ANK3: variants seen among roughly 807,000 people sequenced by gnomAD.
The protein encoded by ANK3 is ankyrin 3.
In ANK3, 57 loss-of-function variants were observed where a neutral mutation model predicts 370.9. That is an observed-to-expected ratio of 0.15 (90% CI 0.12 to 0.19). ANK3 has a LOEUF of 0.19. ANK3 is among the 10% of genes least tolerant of loss of function. ANK3 has a pLI of 1.00. For synonymous variants in ANK3, 1,929 were observed against 1,946.3 expected, an observed-to-expected ratio of 0.99 and a Z score of 0.23; for missense variants, 4,439 against 5,302.1, an observed-to-expected ratio of 0.84 and a Z score of 5.06.
At chr10:60,594,455 T>C (rs74433662) in intron 2 of ANK3, among the ~76,000 whole-genome samples, 5 of 152,344 alleles carry the variant, frequency 3.3e-5, no homozygotes, top group African/African-American at 4.8e-5. Context: ...ATCTGGATTA[T>C]AGCATGTACC....
intron 8 of ANK3, among the ~76,000 whole-genome samples, chr10:60,231,371 CTCTGAGGTGAAA>C (rs2097241646): frequency 6.6e-6 from 1 of 152,176 alleles, no homozygotes; most frequent in South Asian, 2.1e-4. Context: ...CAGTGCTGTC[CTCTGAGGTGAAA>C]TCCAGTGATG....
chr10:60,249,424 A>T (rs2097609853), intron 7 of ANK3, among the ~76,000 whole-genome samples: 1 of 152,208 alleles, frequency 6.6e-6, no homozygotes, highest in Non-Finnish European at 1.5e-5. Flanking sequence ...ATACTCCTGT[A>T]TCACTTCTGA....
At chr10:60,046,324 C>T (rs917819176) in intron 42 of ANK3, among the ~76,000 whole-genome samples, 8 of 152,126 alleles carry the variant, frequency 5.3e-5, no homozygotes, top group African/African-American at 1.7e-4. Context: ...ATAGCTTAAA[C>T]ACGAATGACA....
intron 2 of ANK3, among the ~76,000 whole-genome samples, chr10:60,432,532 G>A (rs993685203): frequency 1.3e-5 from 2 of 152,152 alleles, no homozygotes; most frequent in Admixed American, 6.5e-5. Context: ...CACTTTTAAT[G>A]CAAAGATATC....
At chr10:60,483,935 G>C (rs1250294145) in intron 2 of ANK3, among the ~76,000 whole-genome samples, 2 of 152,218 alleles carry the variant, frequency 1.3e-5, no homozygotes, top group Non-Finnish European at 2.9e-5. Flanking sequence ...GATAAGCAAA[G>C]TGACTAGTTG....
At chr10:60,387,647 C>T (rs1361565687) in intron 1 of ANK3, among the ~76,000 whole-genome samples, 7 of 152,152 alleles carry the variant, frequency 4.6e-5, no homozygotes, top group Admixed American at 3.3e-4. Flanking sequence ...TTTACAATAG[C>T]GATATTGATA....
intron 25 of ANK3, among the ~76,000 whole-genome samples, chr10:60,133,257 C>A (rs892600502): frequency 1.3e-5 from 2 of 152,206 alleles, no homozygotes; most frequent in African/African-American, 2.4e-5. Context: ...TTATAAGCCA[C>A]CTTTAAAAGT....
At chr10:60,674,342 C>A (rs1296040802) in intron 1 of ANK3, among the ~76,000 whole-genome samples, 7 of 151,974 alleles carry the variant, frequency 4.6e-5, no homozygotes, top group African/African-American at 1.7e-4. Context: ...AAGCATGGTG[C>A]CAGCATCTGC....
intron 2 of ANK3, among the ~76,000 whole-genome samples, chr10:60,539,602 G>A (rs2076800703): frequency 6.6e-6 from 1 of 152,032 alleles, no homozygotes; most frequent in South Asian, 2.1e-4. Context: ...AGGTAGGCGT[G>A]CCCTGTTTAA....
chr10:60,208,894 G>A (rs956831407), intron 9 of ANK3, among the ~76,000 whole-genome samples: 3 of 152,194 alleles, frequency 2.0e-5, no homozygotes, highest in Admixed American at 6.5e-5. Context: ...GATGAGGAAA[G>A]GCAAGGCATT....
chr10:60,075,059 T>C lies in ANK3; in HGVS notation c.5822A>G (p.Asp1941Gly). The change falls in exon 37 of 44, where the codon GAT becomes GGT. Residue 1941 changes from aspartate (D) to glycine (G), a missense_variant. Asp to Gly is a moderately conservative substitution (Grantham distance 94). This residue lies in a region of ANK3 where 679 missense variants were observed against 791.0 expected (regional missense o/e 0.86). Transcript: ENST00000280772. Reference protein sequence around the residue: ...PELPKEGRIDDEEPFKIVEKV... With the variant: ...PELPKEGRIDGEEPFKIVEKV... ...CTCTACAATTTTGAAAGGTTCTTCATCATCTATTCTCCCTTCCTTTGGGAG... is the reference window on the plus strand; with the variant it reads ...CTCTACAATTTTGAAAGGTTCTTCACCATCTATTCTCCCTTCCTTTGGGAG... The C allele has an allele frequency of 6.2e-7, 1 of 1,614,064 alleles. No individual in the cohort carries two copies. The highest frequency in any genetic ancestry group is 8.5e-7 in the Non-Finnish European group (1 of 1,180,004).
chr10:60,444,349 G>T (rs768931041), intron 2 of ANK3, among the ~76,000 whole-genome samples: 48 of 147,800 alleles, frequency 3.2e-4, no homozygotes, highest in African/African-American at 1.2e-3. Context: ...TAATGCTCCT[G>T]AAAAAAAACC....
intron 2 of ANK3, among the ~76,000 whole-genome samples, chr10:60,439,337 C>A (rs2064235933): frequency 6.6e-6 from 1 of 151,978 alleles, no homozygotes; most frequent in South Asian, 2.1e-4. Context: ...GTGGTAGAGA[C>A]TGGCAAAAAC....
At chr10:60,306,106 A>G (rs991950944) in intron 1 of ANK3, among the ~76,000 whole-genome samples, 1 of 152,008 alleles carries the variant, frequency 6.6e-6, no homozygotes, top group Non-Finnish European at 1.5e-5. Flanking sequence ...TTTTGGTTAC[A>G]TTGATAAGCT....
At chr10:60,349,762 C>T (rs1358264825) in intron 1 of ANK3, among the ~76,000 whole-genome samples, 1 of 152,162 alleles carries the variant, frequency 6.6e-6, no homozygotes, top group Non-Finnish European at 1.5e-5. Context: ...GACTCCCACC[C>T]TCTGTTCTCC....
At chr10:60,421,123 A>G (rs10994337) in intron 2 of ANK3, among the ~76,000 whole-genome samples, 12,097 of 152,132 alleles carry the variant, frequency 0.08, 906 homozygotes, top group East Asian at 0.22. Context: ...TATATAAAAT[A>G]CCTAGACTAG....
intron 25 of ANK3, among the ~76,000 whole-genome samples, chr10:60,128,524 C>T (rs186578245): frequency 4.7e-4 from 72 of 152,112 alleles, no homozygotes; most frequent in African/African-American, 1.5e-3. Context: ...GGATTACAGG[C>T]GTGCACCACT....
At position 60,060,289 on chromosome 10, in the gene ANK3, TA is replaced by T. The variant is rs1427046476; in HGVS notation, c.12596-860del. ...GCACACTAATCCAAAGTATGCAGAC[TA>T]AATATATAAAGTTTATATATTTAAG... is the stretch of plus-strand genomic sequence containing the variant. On this transcript the variant is annotated intron_variant, in intron 40 of 43. Coordinates refer to ENST00000280772, the MANE Select transcript of ANK3 (RefSeq NM_020987.5). The T allele has an allele frequency of 2.8e-3, 634 of 223,546 alleles. 4 individuals are homozygous for T. Among genetic ancestry groups the T allele is most frequent in the African/African-American group, 0.014 (608 of 44,026 alleles). 13.8% of individuals were successfully genotyped at this position (223,546 alleles called of 1,614,324 possible).
In ANK3 at chr10:60,424,352, GA is replaced by G. The variant is rs1213759372; in HGVS notation, c.97-144714del. Among the ~76,000 whole-genome samples the G allele has an allele frequency of 7.9e-5, 12 of 151,862 alleles. 1 individual carries two copies. Among genetic ancestry groups the G allele is most frequent in the South Asian group, 4.2e-4 (2 of 4,816 alleles). On this transcript the variant is annotated intron_variant, in intron 2 of 43. Coordinates refer to the ANK3 transcript ENST00000373827. ...GAGAATCTAGAAAACTAATTTTAGG[GA>G]AAAAAATACCAATCAAGTCTTTCAT...
Sources: gnomAD v4.1 joint callset for allele counts (sites outside exome capture counted in the v4.1 genomes callset) on GRCh38, gnomAD v4.1.1 for gene constraint, gnomAD v4.1.1 regional missense constraint, MANE v1.5 for transcripts, NCBI Gene and HGNC (gene_info 2026-07-23, HGNC 2026-07-21) for gene names.